The following NACC2 variants were observed in gnomAD, a reference collection of about 807,000 sequenced individuals.
NACC2 encodes the protein nucleus accumbens-associated protein 2.
NACC2 carries 8 observed loss-of-function variants against 25.1 expected under a neutral mutation model. The observed-to-expected ratio is 0.32, with a 90% CI of 0.19 to 0.57. The LOEUF (loss-of-function observed/expected upper bound fraction) is 0.57, where lower values mean the gene tolerates loss of function less well. Among genes scored for constraint, NACC2 ranks in the 20% least tolerant of loss-of-function variants. The pLI, the probability that NACC2 is intolerant of heterozygous loss-of-function variation, is 0.89. For missense variants in NACC2, 644 were observed against 650.2 expected, an observed-to-expected ratio of 0.99 and a Z score of 0.10; for synonymous variants, 435 against 294.7, an observed-to-expected ratio of 1.48 and a Z score of -4.88.
intron 3 of NACC2, among the ~76,000 whole-genome samples, chr9:136,015,350 C>T (rs1312409045): frequency 6.6e-6 from 1 of 152,220 alleles, no homozygotes; most frequent in Non-Finnish European, 1.5e-5. Flanking sequence ...AGTGCCGGGG[C>T]AGGGTGGGAG....
chr9:136,025,144 G>C (rs764508454), intron 2 of NACC2, among the ~76,000 whole-genome samples: 2 of 152,224 alleles, frequency 1.3e-5, no homozygotes, highest in Non-Finnish European at 2.9e-5. Context: ...CAGGCTTTCA[G>C]CTGAGGCCCT....
intron 1 of NACC2, among the ~76,000 whole-genome samples, chr9:136,060,392 A>C (rs2131170358): frequency 6.6e-6 from 1 of 152,316 alleles, no homozygotes; most frequent in East Asian, 1.9e-4. Context: ...CCGATATGAA[A>C]AATAAAGACC....
At chr9:136,094,496 C>A (rs904520777) in intron 1 of NACC2, among the ~76,000 whole-genome samples, 1 of 152,126 alleles carries the variant, frequency 6.6e-6, no homozygotes, top group Non-Finnish European at 1.5e-5. Flanking sequence ...GGGCCCCGGG[C>A]TCCGCTGAGT....
chr9:136,012,066 G>T, intron 5 of NACC2, 42 bp from the exon 6 acceptor site: 1 of 1,472,374 alleles, frequency 6.8e-7, no homozygotes, highest in South Asian at 1.4e-5. Context: ...CCTGCCTGCC[G>T]GGAGGCCCGC....
intron 1 of NACC2, among the ~76,000 whole-genome samples, chr9:136,053,010 G>C (rs982017265): frequency 3.3e-5 from 5 of 152,260 alleles, no homozygotes; most frequent in Non-Finnish European, 4.4e-5. Flanking sequence ...CCCCCAGGAA[G>C]AGCACATTCC....
intron 2 of NACC2, among the ~76,000 whole-genome samples, chr9:136,046,345 G>A (rs1443384615): frequency 2.6e-5 from 4 of 152,296 alleles, no homozygotes; most frequent in Admixed American, 6.5e-5. Context: ...TTTCCCTTCC[G>A]GTGGATACGA....
At chr9:136,016,127 A>C in intron 3 of NACC2, 138 bp downstream of exon 3, 1 of 923,436 alleles carries the variant, frequency 1.1e-6, no homozygotes, top group Non-Finnish European at 1.6e-6. Flanking sequence ...ACATTCTTCT[A>C]AAAGGAAATT....
intron 1 of NACC2, among the ~76,000 whole-genome samples, chr9:136,069,865 T>C (rs961846199): frequency 1.3e-5 from 2 of 151,828 alleles, no homozygotes; most frequent in Non-Finnish European, 2.9e-5. Flanking sequence ...ACAATTCTAG[T>C]AGAGACTTCA....
chr9:136,054,399 G>A (rs975396719), intron 1 of NACC2, among the ~76,000 whole-genome samples: 17 of 152,194 alleles, frequency 1.1e-4, no homozygotes, highest in African/African-American at 2.7e-4. Flanking sequence ...GCAGCCCCAC[G>A]CCCCAGCCTG....
At chr9:136,090,167 C>T (rs931526184) in intron 1 of NACC2, among the ~76,000 whole-genome samples, 13 of 152,262 alleles carry the variant, frequency 8.5e-5, no homozygotes, top group African/African-American at 3.1e-4. Flanking sequence ...GGCACAGACA[C>T]CAGCTGGGTG....
At chr9:136,074,975 C>T (rs904870434) in intron 1 of NACC2, among the ~76,000 whole-genome samples, 2 of 152,210 alleles carry the variant, frequency 1.3e-5, no homozygotes, top group Non-Finnish European at 2.9e-5. Context: ...CACTCACTGT[C>T]GCGTATGGGG....
At chr9:136,064,854 C>T (rs1266344603) in intron 1 of NACC2, among the ~76,000 whole-genome samples, 1 of 152,148 alleles carries the variant, frequency 6.6e-6, no homozygotes, top group African/African-American at 2.4e-5. Context: ...TGGTGCTGAT[C>T]TAAGGACAGA....
chr9:136,049,660 T>C lies in NACC2; in HGVS notation c.862A>G (p.Ile288Val), dbSNP rs942379824. The C allele has an allele frequency of 5.1e-6, 4 of 778,162 alleles. No individual in the cohort carries two copies. The highest frequency in any genetic ancestry group is 5.1e-5 in the African/African-American group (3 of 58,912). The allele number at this position is 778,162 out of a possible 1,614,324, so 48.2% of individuals were successfully genotyped here. The part of the protein sequence containing the change: ...MVEEQYGQMY[I>V]KASGSYAVQE... ...CCTGCATAGCTGCCGGAGGCCTTGA[T>C]GTACATCTGGCCGTACTGCTCCTCC... The change falls in exon 2 of 6, where the codon ATC becomes GTC. Residue 288 changes from isoleucine to valine, a missense_variant. Transcript: ENST00000277554.
chr9:136,038,364 T>C (rs1840584165), intron 2 of NACC2, among the ~76,000 whole-genome samples: 1 of 152,104 alleles, frequency 6.6e-6, no homozygotes. Flanking sequence ...GCTGAAATCC[T>C]GTCTCTACAA....
intron 2 of NACC2, among the ~76,000 whole-genome samples, chr9:136,043,878 T>C (rs1224050873): frequency 1.3e-5 from 2 of 152,128 alleles, no homozygotes; most frequent in Admixed American, 6.5e-5. Flanking sequence ...CAGGCTGGAG[T>C]GCAGTGGCGC....
At chr9:136,049,307 G>A (rs1055199002) in intron 2 of NACC2, among the ~76,000 whole-genome samples, 11 of 152,310 alleles carry the variant, frequency 7.2e-5, no homozygotes, top group South Asian at 6.2e-4. Context: ...GGGTCCTCCC[G>A]TACACCGCGT....
chr9:136,012,173 A>G, intron 5 of NACC2, 149 bp from the exon 6 acceptor site: 1 of 995,288 alleles, frequency 1.0e-6, no homozygotes, highest in Non-Finnish European at 1.4e-6. Flanking sequence ...GGCCTCAGCC[A>G]GAAGACCAGA....
intron 2 of NACC2, among the ~76,000 whole-genome samples, chr9:136,046,484 G>A (rs2131159040): frequency 6.6e-6 from 1 of 152,340 alleles, no homozygotes; most frequent in African/African-American, 2.4e-5. Flanking sequence ...TAAGGCCCAG[G>A]AGGGCGCCCT....
In NACC2 at chr9:136,063,032, G is replaced by A. The variant is rs566690872; in HGVS notation, c.-59-12452C>T. The stretch of plus-strand genomic sequence containing the variant: ...TGTGTCTCCCCAAGAGAAGAAGCCC[G>A]ACTTTGCCGTCACTGTTTTCTTCTA... On this transcript the variant is annotated intron_variant, in intron 1 of 5. Transcript: ENST00000277554. Among the ~76,000 whole-genome samples, 21 of 152,330 alleles carry A rather than the reference G, an allele frequency of 1.4e-4. No homozygotes were observed. The South Asian group carries it at 2.3e-3, about 17-fold the overall frequency.
Sources: gnomAD v4.1 joint callset for allele counts (sites outside exome capture counted in the v4.1 genomes callset) on GRCh38, gnomAD v4.1.1 for gene constraint, MANE v1.5 for transcripts, NCBI Gene and HGNC (gene_info 2026-07-23, HGNC 2026-07-21) for gene names.